The following TGS1 variants were observed in gnomAD, a reference collection of about 807,000 sequenced individuals.
TGS1 encodes trimethylguanosine synthase 1.
A neutral mutation model predicts 92.2 loss-of-function variants in TGS1; 69 were observed. That is an observed-to-expected ratio of 0.75 (90% confidence interval 0.62 to 0.91). The LOEUF is 0.91. Ranked by LOEUF, TGS1 falls within the 40% of genes least tolerant of loss-of-function variation. TGS1 has a pLI of 0.00. For missense variants in TGS1, 1,062 were observed against 1,001.2 expected (o/e 1.06, Z -0.82); for synonymous variants, 345 against 338.1 (o/e 1.02, Z -0.22).
At chr8:55,779,982 A>T (rs1385330271) in intron 1 of TGS1, among the ~76,000 whole-genome samples, 2 of 150,064 alleles carry the variant, frequency 1.3e-5, no homozygotes, top group Non-Finnish European at 3.0e-5. Context: ...TCAGCCTCCC[A>T]GGTAGCCAGG....
At chr8:55,809,133 C>T (rs970411156) in intron 10 of TGS1, among the ~76,000 whole-genome samples, 6 of 152,158 alleles carry the variant, frequency 3.9e-5, no homozygotes, top group Admixed American at 3.9e-4. Context: ...ATATACGCAA[C>T]ATACATACAA....
At chr8:55,806,891 A>G (rs1812387290) in intron 10 of TGS1, among the ~76,000 whole-genome samples, 1 of 151,470 alleles carries the variant, frequency 6.6e-6, no homozygotes, top group Non-Finnish European at 1.5e-5. Flanking sequence ...ATGACTTTGG[A>G]CATCATTTAA....
intron 10 of TGS1, among the ~76,000 whole-genome samples, chr8:55,806,356 CAAAAAAAAAA>C (rs1047234489): frequency 4.1e-4 from 16 of 39,006 alleles, no homozygotes; most frequent in Admixed American, 1.2e-3. Flanking sequence ...GACTCCACCT[CAAAAAAAAAA>C]AAAAAAAAAA....
intron 7 of TGS1, 66 bp from the exon 8 acceptor site, chr8:55,798,848 A>G: frequency 7.7e-7 from 1 of 1,296,860 alleles, no homozygotes; most frequent in Admixed American, 2.5e-5. Context: ...ACAAATTGTA[A>G]TAGGTAGGAA....
intron 1 of TGS1, among the ~76,000 whole-genome samples, chr8:55,777,843 C>T (rs1470839140): frequency 1.3e-5 from 2 of 152,082 alleles, no homozygotes; most frequent in African/African-American, 2.4e-5. Flanking sequence ...TGATTACTAT[C>T]GCAATTATCC....
intron 2 of TGS1, among the ~76,000 whole-genome samples, chr8:55,783,360 A>G (rs185102417): frequency 6.6e-6 from 1 of 152,218 alleles, no homozygotes; most frequent in African/African-American, 2.4e-5. Context: ...CAGAGTTTGC[A>G]GTGAGCTGAG....
At chr8:55,806,958 C>T (rs748247735) in intron 10 of TGS1, among the ~76,000 whole-genome samples, 12 of 148,780 alleles carry the variant, frequency 8.1e-5, no homozygotes, top group Non-Finnish European at 1.2e-4. Context: ...GACGGGGTCT[C>T]ACTCTGTCGC....
intron 10 of TGS1, among the ~76,000 whole-genome samples, chr8:55,808,343 A>G (rs1803239141): frequency 1.3e-5 from 2 of 152,172 alleles, no homozygotes; most frequent in South Asian, 4.1e-4. Flanking sequence ...TGCCTAAAAA[A>G]TGATTTTTCC....
intron 8 of TGS1, among the ~76,000 whole-genome samples, chr8:55,800,992 GA>G (rs1276362025): frequency 6.6e-6 from 1 of 152,110 alleles, no homozygotes; most frequent in Non-Finnish European, 1.5e-5. Flanking sequence ...ATTATTTAAG[GA>G]AAAAATCACT....
intron 12 of TGS1, among the ~76,000 whole-genome samples, chr8:55,819,958 G>A (rs1311531682): frequency 3.3e-5 from 5 of 152,204 alleles, no homozygotes; most frequent in Admixed American, 3.3e-4. Flanking sequence ...TATTTCAGAT[G>A]CTTGCTGCTG....
intron 8 of TGS1, among the ~76,000 whole-genome samples, chr8:55,801,582 CT>C (rs1212417955): frequency 0.012 from 558 of 48,190 alleles, 3 homozygotes; most frequent in African/African-American, 0.047. Context: ...CCCCATCGTT[CT>C]TTTTTTTTTT....
intron 9 of TGS1, among the ~76,000 whole-genome samples, chr8:55,803,130 G>GT (rs1563462674): frequency 0.015 from 2,155 of 143,658 alleles, 16 homozygotes; most frequent in African/African-American, 0.026. Context: ...AATTTGGGGG[G>GT]GTGTGTGTGT....
intron 2 of TGS1, 137 bp downstream of exon 2, chr8:55,782,949 A>G (rs748218157): frequency 1.1e-5 from 7 of 609,808 alleles, no homozygotes; most frequent in East Asian, 6.1e-5. Flanking sequence ...TAATCAGACA[A>G]TTTTTATTTT....
Position 55,796,055 on chromosome 8 carries a change from T to C in TGS1, c.1445T>C (p.Leu482Pro). ...AATGTGAAGCTTAAGTCTAAGTACC[T>C]AGACATGCGCAGACAAATAAAGATG... ...EKNVKLKSKY[L>P]DMRRQIKMKN... Residue 482 changes from leucine (L) to proline (P), a missense_variant, in exon 7 of 13, where the codon CTA (leucine) becomes CCA (proline). Leu to Pro is a moderately conservative substitution (Grantham distance 98). Transcript: ENST00000260129. 6.2e-7 allele frequency: 1 copy of C among 1,613,128 alleles called. No homozygotes were observed.
In TGS1 at chr8:55,787,002, A is replaced by G; in HGVS notation, c.1104A>G (p.Gly368=). 1 of 1,614,136 alleles carries G rather than the reference A, an allele frequency of 6.2e-7. No individual in the cohort carries two copies. Among genetic ancestry groups the G allele is most frequent in the Middle Eastern group, 1.6e-4 (1 of 6,062 alleles). Residue 368 remains glycine (G), a synonymous_variant, in exon 4 of 13, where the codon GGA becomes GGG. Coordinates refer to ENST00000260129, the MANE Select transcript of TGS1 (RefSeq NM_024831.8). ...PASGQSEPRN[G]GTNEESNSSG... ...CCGGCCAAAGTGAACCACGTAATGG[A>G]GGAACCAATGAGGAAAGCAACTCAT...
At chr8:55,784,400 T>C (rs1162383529) in intron 2 of TGS1, among the ~76,000 whole-genome samples, 1 of 152,154 alleles carries the variant, frequency 6.6e-6, no homozygotes, top group African/African-American at 2.4e-5. Context: ...CTCTGTTGTC[T>C]GAGTGGTGAT....
At chr8:55,784,509 A>T (rs1176929206) in intron 2 of TGS1, among the ~76,000 whole-genome samples, 1 of 152,104 alleles carries the variant, frequency 6.6e-6, no homozygotes, top group African/African-American at 2.4e-5. Context: ...TTTTGTTTGT[A>T]GTGACAGGGT....
chr8:55,796,294 G>C, intron 7 of TGS1, 142 bp downstream of exon 7: 1 of 614,642 alleles, frequency 1.6e-6, no homozygotes, highest in Non-Finnish European at 2.8e-6. Flanking sequence ...CTTGCTTCTT[G>C]AAGGCATATA....
intron 12 of TGS1, among the ~76,000 whole-genome samples, chr8:55,822,618 A>G (rs1412476018): frequency 1.3e-5 from 2 of 151,970 alleles, no homozygotes; most frequent in African/African-American, 4.8e-5. Context: ...AGAATTTAAA[A>G]CATTTATTCC....
Sources: allele counts gnomAD v4.1 joint callset (sites outside exome capture counted in the v4.1 genomes callset), GRCh38; gene constraint gnomAD v4.1.1; transcripts MANE v1.5; gene names NCBI Gene and HGNC (gene_info 2026-07-23, HGNC 2026-07-21).